Variants in NEMP2 observed in about 807,000 individuals in gnomAD.
NEMP2 encodes the protein nuclear envelope integral membrane protein 2, also known as UPF0571 transmembrane protein.
In NEMP2, 53 loss-of-function variants were observed where a neutral mutation model predicts 54.2. The observed-to-expected ratio is 0.98, with a 90% CI of 0.78 to 1.23. The LOEUF (loss-of-function observed/expected upper bound fraction) is 1.23. NEMP2 is among the 50% of genes most tolerant of loss of function. The pLI, the probability that NEMP2 is intolerant of heterozygous loss-of-function variation, is 0.00. For synonymous variants in NEMP2, 197 were observed against 190.3 expected (o/e 1.04, Z -0.29); for missense variants, 455 against 511.3 (o/e 0.89, Z 1.06).
At chr2:190,469,960 A>G in the NEMP2 span, 1 of 746,404 alleles carries the variant, frequency 1.3e-6, no homozygotes, top group Non-Finnish European at 2.2e-6. This position sits in a 1 kb window ranked among gnomAD's most constrained non-coding sequence, Gnocchi z 5.3. Context: ...GGGCAGGCCT[A>G]CTGTTTCATG....
upstream of NEMP2, among the ~76,000 whole-genome samples, chr2:190,537,089 A>G (rs567792443): frequency 6.6e-6 from 1 of 152,350 alleles, no homozygotes; most frequent in South Asian, 2.1e-4. Flanking sequence ...TAATATGCTT[A>G]TAAAGCTAGT....
the NEMP2 span, chr2:190,625,547 A>AT: frequency 6.6e-6 from 1 of 152,242 alleles, no homozygotes; most frequent in African/African-American, 2.4e-5. Context: ...GAAAGGATGC[A>AT]TTTTTGATAT....
intron 1 of NEMP2, chr2:190,534,009 T>C: frequency 3.0e-6 from 3 of 984,856 alleles, no homozygotes; most frequent in Non-Finnish European, 3.6e-6. Context: ...GAGGCCTCAT[T>C]ACCTGCCGCT....
the NEMP2 span, among the ~76,000 whole-genome samples, chr2:190,560,254 G>C: frequency 1.3e-5 from 2 of 152,160 alleles, no homozygotes; most frequent in African/African-American, 4.8e-5. The surrounding 1 kb of genome is among the most constrained non-coding windows in gnomAD (Gnocchi z 5.4). Flanking sequence ...TGCTTCAGAG[G>C]GTTGAAAGCA....
At chr2:190,639,119 G>A in the NEMP2 span, among the ~76,000 whole-genome samples, 1 of 152,184 alleles carries the variant, frequency 6.6e-6, no homozygotes, top group Non-Finnish European at 1.5e-5. Context: ...TCAGATTAAA[G>A]CAGTTCAAGC....
chr2:190,540,739 G>A, the NEMP2 span, among the ~76,000 whole-genome samples: 3 of 152,174 alleles, frequency 2.0e-5, no homozygotes, highest in East Asian at 5.8e-4. Context: ...GGTAATGGTG[G>A]CCTCTTAGAA....
chr2:190,568,456 A>C, the NEMP2 span, among the ~76,000 whole-genome samples: 1 of 152,220 alleles, frequency 6.6e-6, no homozygotes, highest in Non-Finnish European at 1.5e-5. The surrounding 1 kb of genome is among the most constrained non-coding windows in gnomAD (Gnocchi z 4.7). Context: ...ATTTGTACCA[A>C]AAGTGTCAAT....
At chr2:190,447,400 T>C in the NEMP2 span, among the ~76,000 whole-genome samples, 1 of 152,218 alleles carries the variant, frequency 6.6e-6, no homozygotes, top group Non-Finnish European at 1.5e-5. This position sits in a 1 kb window ranked among gnomAD's most constrained non-coding sequence, Gnocchi z 4.5. Flanking sequence ...GAGCTTTGGA[T>C]TTGTTAAAAT....
At chr2:190,535,021 G>C, upstream of NEMP2, 1 of 190,034 alleles carries the variant, frequency 5.3e-6, no homozygotes, top group South Asian at 1.9e-4. Context: ...TCGGCGCAGG[G>C]GTGGGAGTTG....
the NEMP2 span, among the ~76,000 whole-genome samples, chr2:190,541,853 A>C: frequency 6.8e-6 from 1 of 147,284 alleles, no homozygotes; most frequent in Non-Finnish European, 1.5e-5. The surrounding 1 kb of genome is among the most constrained non-coding windows in gnomAD (Gnocchi z 5.2). Context: ...TGCAGAATAC[A>C]GTATTCTTGG....
At chr2:190,621,100 T>A in the NEMP2 span, among the ~76,000 whole-genome samples, 1 of 152,078 alleles carries the variant, frequency 6.6e-6, no homozygotes. Context: ...TTGAAAGAAA[T>A]TAAAGAAGAT....
chr2:190,471,856 A>T, the NEMP2 span, among the ~76,000 whole-genome samples: 1 of 152,182 alleles, frequency 6.6e-6, no homozygotes, highest in African/African-American at 2.4e-5. The surrounding 1 kb of genome is among the most constrained non-coding windows in gnomAD (Gnocchi z 4.7). Context: ...GGGCAGACTG[A>T]TAACTCATAC....
At chr2:190,493,983 G>A in the NEMP2 span, among the ~76,000 whole-genome samples, 1 of 151,108 alleles carries the variant, frequency 6.6e-6, no homozygotes, top group African/African-American at 2.4e-5. Context: ...ACCAAACCCA[G>A]CAGAAGAAAG....
the NEMP2 span, among the ~76,000 whole-genome samples, chr2:190,499,161 C>T: frequency 6.6e-6 from 1 of 151,798 alleles, no homozygotes; most frequent in Non-Finnish European, 1.5e-5. This position sits in a 1 kb window ranked among gnomAD's most constrained non-coding sequence, Gnocchi z 6.0. Context: ...ATTATAATAA[C>T]AATAATAAAT....
rs2125342289 is a variant in NEMP2 at position 190,527,923 on chromosome 2, T to A, written c.98-2545A>T. 6.6e-6 allele frequency among the ~76,000 whole-genome samples: 1 copy of A among 152,166 alleles called. No homozygotes were observed. Among genetic ancestry groups the A allele is most frequent in the South Asian group, 2.1e-4 (1 of 4,806 alleles). On this transcript the variant is annotated intron_variant, in intron 1 of 8. Transcript: ENST00000409150. The surrounding 1 kb of genome is among the most constrained non-coding windows in gnomAD (Gnocchi z 4.0). ...CATCCCAAAACCACCCCAACCCCAC[T>A]CCTATCCTGTGGAAAAACTGTCTTC... is the stretch of plus-strand genomic sequence containing the variant.
chr2:190,535,333 C>G (rs532876668), upstream of NEMP2, among the ~76,000 whole-genome samples: 169 of 151,990 alleles, frequency 1.1e-3, no homozygotes, highest in Non-Finnish European at 1.4e-3. Flanking sequence ...CAGAGGGGCT[C>G]GTAAAATGTT....
the NEMP2 span, among the ~76,000 whole-genome samples, chr2:190,494,240 A>G: frequency 2.0e-5 from 3 of 152,272 alleles, no homozygotes; most frequent in Admixed American, 1.3e-4. The surrounding 1 kb of genome is among the most constrained non-coding windows in gnomAD (Gnocchi z 5.7). Context: ...TTACATGCAT[A>G]AACTGGAAAA....
the NEMP2 span, among the ~76,000 whole-genome samples, chr2:190,606,003 C>G: frequency 6.6e-6 from 1 of 152,156 alleles, no homozygotes; most frequent in East Asian, 1.9e-4. Flanking sequence ...CACCATAGAT[C>G]CTGAATAAAT....
chr2:190,576,104 G>A, the NEMP2 span, among the ~76,000 whole-genome samples: 2 of 151,880 alleles, frequency 1.3e-5, no homozygotes, highest in Non-Finnish European at 2.9e-5. Context: ...GAGTAGCTGG[G>A]ACCACAGGTG....
Sources: gnomAD v4.1 joint callset for allele counts (sites outside exome capture counted in the v4.1 genomes callset) on GRCh38, gnomAD v4.1.1 for gene constraint, Gnocchi (gnomAD v3.1) non-coding constraint, MANE v1.5 for transcripts, NCBI Gene and HGNC (gene_info 2026-07-23, HGNC 2026-07-21) for gene names.